Variants in TMC2 observed in about 807,000 individuals in gnomAD.
TMC2 encodes transmembrane channel-like protein 2.
In TMC2, 102 loss-of-function variants were observed where a neutral mutation model predicts 105.9. That is an observed-to-expected ratio of 0.96 (90% CI 0.82 to 1.14). The LOEUF (loss-of-function observed/expected upper bound fraction) is 1.14, where lower values mean the gene tolerates loss of function less well. Ranked by LOEUF, TMC2 falls within the 50% of genes most tolerant of loss-of-function variation. The pLI, the probability that TMC2 is intolerant of heterozygous loss-of-function variation, is 0.00. For missense variants in TMC2, 1,093 were observed against 1,134.3 expected, an observed-to-expected ratio of 0.96 and a Z score of 0.52; for synonymous variants, 402 against 422.8, an observed-to-expected ratio of 0.95 and a Z score of 0.60.
In TMC2 at chr20:2,636,186, G is replaced by C. The variant is rs79337281; in HGVS notation, c.2385+182G>C. On this transcript the variant is annotated intron_variant, in intron 18 of 19. Transcript: ENST00000358864. ...CAACAGCATGCATTTATATTATTGA[G>C]GCTATTTGGTGATTTGTGACAATAA... Among the ~76,000 whole-genome samples, 12 of 152,164 alleles carry C rather than the reference G, an allele frequency of 7.9e-5. No homozygotes were observed. The East Asian group carries it at 2.3e-3, about 29-fold the overall frequency.
Position 2,641,652 on chromosome 20 carries a change from C to T in TMC2, c.*301C>T, listed in dbSNP as rs6115263. On this transcript the variant is annotated 3_prime_UTR_variant, in exon 20 of 20. Transcript: ENST00000358864. Reference sequence around the variant, plus strand: ...GTGGTCGACCTTGCCTCCCGATTTTCGGAGTTGGGGAAGGGCCATGACCAC... The same window carrying T: ...GTGGTCGACCTTGCCTCCCGATTTTTGGAGTTGGGGAAGGGCCATGACCAC... 3,537 of 316,192 alleles carry T rather than the reference C, an allele frequency of 0.011. 106 individuals carry two copies. The highest frequency in any genetic ancestry group is 0.066 in the African/African-American group (3,206 of 48,214). The allele number at this position is 316,192 out of a possible 1,614,324, so 19.6% of individuals were successfully genotyped here.
chr20:2,574,296 C>A (rs890007007), intron 5 of TMC2, among the ~76,000 whole-genome samples: 1 of 152,146 alleles, frequency 6.6e-6, no homozygotes, highest in African/African-American at 2.4e-5. Context: ...ATGATTTTTA[C>A]ATACATTTTC....
chr20:2,643,016 TC>T lies in TMC2; in HGVS notation c.*1668del, dbSNP rs751384682. Among the ~76,000 whole-genome samples the T allele has an allele frequency of 1.3e-5, 2 of 152,064 alleles. No individual in the cohort carries two copies. Among genetic ancestry groups the T allele is most frequent in the Non-Finnish European group, 2.9e-5 (2 of 68,008 alleles). ...AATAATTTCTAACTTCCCTCCCAAA[TC>T]CCTTCCCTTCTCAATCCAGCACCAA... On this transcript the variant is annotated 3_prime_UTR_variant, in exon 20 of 20. Coordinates refer to ENST00000358864, the MANE Select transcript of TMC2 (RefSeq NM_080751.3).
chr20:2,537,806 A>G (rs2085860693), intron 2 of TMC2, among the ~76,000 whole-genome samples: 1 of 152,134 alleles, frequency 6.6e-6, no homozygotes, highest in Admixed American at 6.5e-5. Flanking sequence ...AGCCCAAGGA[A>G]GCCATAGGCG....
At chr20:2,593,637 A>C (rs986127372) in intron 8 of TMC2, among the ~76,000 whole-genome samples, 2 of 152,144 alleles carry the variant, frequency 1.3e-5, no homozygotes, top group South Asian at 4.1e-4. Flanking sequence ...GCGTTTTTCC[A>C]TCTCTTTTAC....
intron 2 of TMC2, among the ~76,000 whole-genome samples, chr20:2,555,351 G>A (rs570425086): frequency 1.1e-3 from 165 of 152,278 alleles, no homozygotes; most frequent in Non-Finnish European, 2.0e-3. Flanking sequence ...AAAGTGCTGG[G>A]ATTACAGGCA....
intron 17 of TMC2, among the ~76,000 whole-genome samples, chr20:2,630,754 T>C (rs2086597286): frequency 6.6e-6 from 1 of 152,164 alleles, no homozygotes; most frequent in Non-Finnish European, 1.5e-5. Flanking sequence ...ACTGAAAAGG[T>C]TGAGGCTGCA....
chr20:2,635,579 G>A (rs1253534776), intron 17 of TMC2, among the ~76,000 whole-genome samples: 2 of 152,184 alleles, frequency 1.3e-5, no homozygotes, highest in African/African-American at 4.8e-5. Context: ...ACAGAGCTTG[G>A]CACAGGGCAG....
intron 16 of TMC2, among the ~76,000 whole-genome samples, chr20:2,620,961 C>T (rs1175318228): frequency 6.6e-6 from 1 of 152,158 alleles, no homozygotes; most frequent in East Asian, 1.9e-4. Context: ...GCCTGTCCCA[C>T]CATTTTATTT....
chr20:2,565,513 G>A (rs5839962), intron 4 of TMC2, among the ~76,000 whole-genome samples: 15,738 of 87,484 alleles, frequency 0.18, 874 homozygotes, highest in South Asian at 0.37. Context: ...AAAGTGCTGG[G>A]ATTACAGAGC....
At chr20:2,619,073 GAA>G (rs2086505871) in intron 16 of TMC2, among the ~76,000 whole-genome samples, 3 of 152,280 alleles carry the variant, frequency 2.0e-5, no homozygotes, top group South Asian at 4.1e-4. Context: ...CCAATGAGGA[GAA>G]ACCCTGTCCC....
Position 2,558,582 on chromosome 20 carries a change from G to C in TMC2, c.209G>C (p.Arg70Pro), listed in dbSNP as rs1035668319. The C allele has an allele frequency of 1.9e-6, 3 of 1,553,908 alleles. No individual in the cohort carries two copies. Among genetic ancestry groups the C allele is most frequent in the Non-Finnish European group, 2.6e-6 (3 of 1,148,366 alleles). The part of the protein sequence containing the change: ...AGGSPSPGSP[R>P]RKQTGRRRHR... ...GGCAGCCCAAGCCCGGGGTCTCCCC[G>C]GAGGAAGCAAACAGGGCGCAGGAGA... The change falls in exon 3 of 20, where the codon CGG becomes CCG. Residue 70 changes from arginine to proline, a missense_variant. Arg to Pro is a moderately radical substitution (Grantham distance 103). Transcript: ENST00000358864. This position sits in a 1 kb window ranked among gnomAD's most constrained non-coding sequence, Gnocchi z 4.6.
chr20:2,607,596 A>G (rs925084416), intron 11 of TMC2, among the ~76,000 whole-genome samples: 16 of 152,104 alleles, frequency 1.1e-4, no homozygotes, highest in African/African-American at 3.6e-4. Flanking sequence ...CCTATTAGCC[A>G]TTTTGACATC....
intron 17 of TMC2, among the ~76,000 whole-genome samples, chr20:2,629,697 C>T (rs79824501): frequency 2.4e-3 from 371 of 152,306 alleles, no homozygotes; most frequent in African/African-American, 8.5e-3. Flanking sequence ...AGATTTCAGC[C>T]AGCAGTCACC....
intron 7 of TMC2, among the ~76,000 whole-genome samples, chr20:2,591,876 G>A (rs1003542371): frequency 3.9e-5 from 6 of 152,104 alleles, no homozygotes; most frequent in African/African-American, 1.2e-4. Context: ...AAATAGAGCC[G>A]GGCTCAGTGG....
In TMC2 at chr20:2,635,908, C is replaced by T. The variant is rs780430569; in HGVS notation, c.2307-18C>T. 1.2e-6 allele frequency: 2 copies of T among 1,607,870 alleles called. No individual in the cohort carries two copies. Among genetic ancestry groups the T allele is most frequent in the South Asian group, 1.1e-5 (1 of 90,934 alleles). Reference sequence around the variant, plus strand: ...GCCAAGATCACGGGACCATAGGAGGCATGCTTTTCTCTTGCAGCTTGGCCA... The same window carrying T: ...GCCAAGATCACGGGACCATAGGAGGTATGCTTTTCTCTTGCAGCTTGGCCA... On this transcript the variant is annotated intron_variant, in intron 17 of 19. Transcript: ENST00000358864.
At position 2,543,011 on chromosome 20, in the gene TMC2, C is replaced by T. The variant is rs556311042; in HGVS notation, c.82+5695C>T. On this transcript the variant is annotated intron_variant, in intron 2 of 19. Coordinates refer to ENST00000358864, the MANE Select transcript of TMC2 (RefSeq NM_080751.3). Reference sequence around the variant, plus strand: ...CAGCACTTTGGGAGGCCAAGGTGGGCGAATCACTTGAGGTCAGGAGTTTGA... The same window carrying T: ...CAGCACTTTGGGAGGCCAAGGTGGGTGAATCACTTGAGGTCAGGAGTTTGA... Among the ~76,000 whole-genome samples the T allele has an allele frequency of 2.2e-4, 34 of 151,960 alleles. No homozygotes were observed. In the South Asian group the frequency reaches 2.7e-3, roughly 12 times the overall value.
chr20:2,610,706 G>T (rs1050237105), intron 12 of TMC2, 108 bp downstream of exon 12: 2 of 620,488 alleles, frequency 3.2e-6, no homozygotes, highest in Admixed American at 5.0e-5. Flanking sequence ...TTAAATAAAT[G>T]TAAATTAAGA....
intron 7 of TMC2, among the ~76,000 whole-genome samples, chr20:2,582,933 C>G (rs1478466247): frequency 6.6e-6 from 1 of 152,218 alleles, no homozygotes; most frequent in Non-Finnish European, 1.5e-5. Flanking sequence ...TCTACGTGAT[C>G]CCTGAGGAAC....
Sources: gnomAD v4.1 joint callset for allele counts (sites outside exome capture counted in the v4.1 genomes callset) on GRCh38, gnomAD v4.1.1 for gene constraint, Gnocchi (gnomAD v3.1) non-coding constraint, MANE v1.5 for transcripts, NCBI Gene and HGNC (gene_info 2026-07-23, HGNC 2026-07-21) for gene names.